NR2F1-AS1: variants seen among roughly 807,000 people sequenced by gnomAD.
The protein encoded by NR2F1-AS1 is NR2F1 regulatory antisense RNA 1, also known as NR2F1 antisense RNA 1.
intron 4 of NR2F1-AS1, among the ~76,000 whole-genome samples, chr5:93,515,574 T>C (rs1751384719): frequency 6.6e-6 from 1 of 151,950 alleles, no homozygotes; most frequent in South Asian, 2.1e-4. Flanking sequence ...ACAGAAACCA[T>C]GTCTATTTTT....
At chr5:93,463,135 A>T (rs1464713891) in intron 4 of NR2F1-AS1, among the ~76,000 whole-genome samples, 1 of 152,152 alleles carries the variant, frequency 6.6e-6, no homozygotes, top group African/African-American at 2.4e-5. Context: ...TAGGAGGAAA[A>T]AATGGTTTCA....
intron 4 of NR2F1-AS1, among the ~76,000 whole-genome samples, chr5:93,523,159 G>T (rs1026451811): frequency 2.6e-5 from 4 of 152,106 alleles, no homozygotes; most frequent in African/African-American, 7.2e-5. Context: ...TGAGCTTGGT[G>T]GGGGGAGGGG....
intron 4 of NR2F1-AS1, among the ~76,000 whole-genome samples, chr5:93,518,290 T>A (rs985881854): frequency 6.6e-6 from 1 of 152,090 alleles, no homozygotes. Context: ...GTAGAAACAG[T>A]AGAATGACCA....
chr5:93,491,229 G>A (rs1224189383), intron 4 of NR2F1-AS1, among the ~76,000 whole-genome samples: 1 of 151,112 alleles, frequency 6.6e-6, no homozygotes, highest in Non-Finnish European at 1.5e-5. Flanking sequence ...ATTGATGGAG[G>A]TTGTAGTTAT....
At chr5:93,536,392 T>C (rs968467034) in intron 4 of NR2F1-AS1, among the ~76,000 whole-genome samples, 1 of 152,148 alleles carries the variant, frequency 6.6e-6, no homozygotes, top group African/African-American at 2.4e-5. Context: ...ATGCAATACC[T>C]GTCAAAATAC....
chr5:93,423,880 GTC>G (rs1561429195), intron 4 of NR2F1-AS1, among the ~76,000 whole-genome samples: 1 of 151,824 alleles, frequency 6.6e-6, no homozygotes, highest in Non-Finnish European at 1.5e-5. Flanking sequence ...TAAAATTATC[GTC>G]TCTTAGGAAG....
chr5:93,504,569 A>G (rs1208544470), intron 4 of NR2F1-AS1, among the ~76,000 whole-genome samples: 1 of 152,150 alleles, frequency 6.6e-6, no homozygotes, highest in East Asian at 1.9e-4. Context: ...GAGAAGAAAA[A>G]GAATTGAAAG....
intron 4 of NR2F1-AS1, among the ~76,000 whole-genome samples, chr5:93,533,991 G>A (rs879354756): frequency 1.3e-5 from 2 of 152,118 alleles, no homozygotes; most frequent in African/African-American, 2.4e-5. Flanking sequence ...GCTGAGGCAC[G>A]AGAATCCCTT....
At chr5:93,420,308 T>C (rs776423167) in intron 4 of NR2F1-AS1, among the ~76,000 whole-genome samples, 2 of 152,158 alleles carry the variant, frequency 1.3e-5, no homozygotes, top group African/African-American at 2.4e-5. Flanking sequence ...CTTCTCCAGA[T>C]AGAACGAGCA....
chr5:93,535,302 CAA>C lies in NR2F1-AS1; in HGVS notation n.638+18457_638+18458del, dbSNP rs540250720. On this transcript the variant is annotated intron_variant and non_coding_transcript_variant, in intron 4 of 5. Coordinates refer to ENST00000660523, the Ensembl canonical transcript of NR2F1-AS1. The stretch of plus-strand genomic sequence containing the variant: ...AAGGTAAAAAGAAAAAAATAAAAAA[CAA>C]TGTGAAAATAAATATTTGAGGAAAA... Among the ~76,000 whole-genome samples, 549 of 150,660 alleles carry C rather than the reference CAA, an allele frequency of 3.6e-3. 4 individuals carry two copies. Among genetic ancestry groups the C allele is most frequent in the Non-Finnish European group, 5.6e-3 (380 of 67,516 alleles).
intron 1 of NR2F1-AS1, among the ~76,000 whole-genome samples, chr5:93,565,179 G>T (rs1233037207): frequency 6.6e-6 from 1 of 152,056 alleles, no homozygotes; most frequent in Non-Finnish European, 1.5e-5. Context: ...AAGTTACTTA[G>T]CCTTTCTTGG....
intron 2 of NR2F1-AS1, among the ~76,000 whole-genome samples, chr5:93,561,251 C>T (rs1425932989): frequency 1.3e-5 from 2 of 151,886 alleles, no homozygotes; most frequent in Non-Finnish European, 2.9e-5. Context: ...GAACGAAACT[C>T]CATCTCCAAA....
At chr5:93,569,540 T>A (rs950873056) in intron 1 of NR2F1-AS1, among the ~76,000 whole-genome samples, 1 of 152,214 alleles carries the variant, frequency 6.6e-6, no homozygotes, top group African/African-American at 2.4e-5. Context: ...AAAACTATGC[T>A]AATTGGTGAA....
chr5:93,515,889 A>G (rs1751391913), intron 4 of NR2F1-AS1, among the ~76,000 whole-genome samples: 1 of 151,870 alleles, frequency 6.6e-6, no homozygotes, highest in African/African-American at 2.4e-5. Flanking sequence ...AACAGAGTAC[A>G]TCCCTTATCA....
At chr5:93,461,190 G>A (rs1750083456) in intron 4 of NR2F1-AS1, among the ~76,000 whole-genome samples, 1 of 152,184 alleles carries the variant, frequency 6.6e-6, no homozygotes, top group Non-Finnish European at 1.5e-5. Flanking sequence ...GCAAGACATG[G>A]ATGGAGCTGG....
intron 1 of NR2F1-AS1, among the ~76,000 whole-genome samples, chr5:93,573,456 G>GT (rs1381108917): frequency 1.6e-4 from 25 of 152,238 alleles, no homozygotes; most frequent in African/African-American, 4.8e-4. Flanking sequence ...TCACTCCCGA[G>GT]GACTTGGGGC....
intron 4 of NR2F1-AS1, among the ~76,000 whole-genome samples, chr5:93,541,066 C>T (rs1294598736): frequency 3.9e-5 from 6 of 152,172 alleles, no homozygotes; most frequent in Non-Finnish European, 7.4e-5. Context: ...CACCTTCTAC[C>T]TGCAGATTCT....
chr5:93,505,907 AC>A (rs1157018423), intron 4 of NR2F1-AS1, among the ~76,000 whole-genome samples: 1 of 152,188 alleles, frequency 6.6e-6, no homozygotes, highest in Non-Finnish European at 1.5e-5. Flanking sequence ...GCTCCTTGCT[AC>A]TTATGCAAAT....
chr5:93,573,762 C>T (rs544409359), intron 1 of NR2F1-AS1, among the ~76,000 whole-genome samples: 2 of 152,298 alleles, frequency 1.3e-5, no homozygotes, highest in African/African-American at 4.8e-5. Context: ...CAGAGCATCC[C>T]GTCCTCGCCT....
Sources: gnomAD v4.1 joint callset for allele counts (sites outside exome capture counted in the v4.1 genomes callset) on GRCh38, gnomAD v4.1.1 for gene constraint, MANE v1.5 for transcripts, NCBI Gene and HGNC (gene_info 2026-07-23, HGNC 2026-07-21) for gene names.